Variants in TCIRG1 observed in about 807,000 individuals in gnomAD.
TCIRG1 encodes the protein V-type proton ATPase 116 kDa subunit a 3.
TCIRG1 carries 86 observed loss-of-function variants against 95.5 expected under a neutral mutation model. The observed-to-expected ratio is 0.90, with a 90% confidence interval of 0.76 to 1.08. The LOEUF (loss-of-function observed/expected upper bound fraction) is 1.08. Among genes scored for constraint, TCIRG1 ranks in the 50% least tolerant of loss-of-function variants. The pLI is 0.00. For synonymous variants in TCIRG1, 499 were observed against 501.3 expected (o/e 1.00, Z 0.06); for missense variants, 1,069 against 1,140.2 (o/e 0.94, Z 0.90).
chr11:68,046,923 C>T (rs753124663), intron 10 of TCIRG1: 1 of 456,312 alleles, frequency 2.2e-6, no homozygotes, highest in South Asian at 1.5e-5. Context: ...TCTGGTGTTA[C>T]CTGCATTTTA....
chr11:68,040,685 C>T (rs1855114775), intron 1 of TCIRG1, among the ~76,000 whole-genome samples: 1 of 152,232 alleles, frequency 6.6e-6, no homozygotes, highest in African/African-American at 2.4e-5. Flanking sequence ...CCCCGCCATT[C>T]TGTAGTTTCA....
At chr11:68,049,622 G>A (rs1386933160) in intron 15 of TCIRG1, 41 bp from the exon 16 acceptor site, 1 of 1,590,672 alleles carries the variant, frequency 6.3e-7, no homozygotes, top group East Asian at 2.2e-5. Context: ...TTGCAGGTGT[G>A]CACAGCAGGG....
intron 1 of TCIRG1, among the ~76,000 whole-genome samples, chr11:68,040,244 C>T (rs1359737336): frequency 2.0e-5 from 3 of 152,244 alleles, no homozygotes; most frequent in Admixed American, 2.0e-4. Context: ...GAGACTTGCC[C>T]AAGGTCACAC....
Position 68,042,795 on chromosome 11 carries a change from G to T in TCIRG1, c.349G>T (p.Ala117Ser), listed in dbSNP as rs763664425. 3 of 1,548,148 alleles carry T rather than the reference G, an allele frequency of 1.9e-6. No homozygotes were observed. The African/African-American group carries it at 4.1e-5, about 21-fold the overall frequency. Residue 117 changes from alanine (A) to serine (S), a missense_variant, in exon 4 of 20, where the codon GCC (alanine) becomes TCC (serine). Transcript: ENST00000265686. The part of the protein sequence containing the change: ...ELRDVRGNQQ[A>S]LRAQLHQLQL... ...GCGGGATGTGCGGGGCAACCAGCAG[G>T]CCCTGCGGGCCCAGCTGCACCAGCT...
intron 2 of TCIRG1, 87 bp from the exon 3 acceptor site, chr11:68,041,666 C>A: frequency 8.7e-7 from 1 of 1,155,176 alleles, no homozygotes; most frequent in Non-Finnish European, 1.3e-6. Context: ...GCAGCTAAGG[C>A]CTGGGGAGAG....
rs1327818531 is a variant in TCIRG1 at position 68,044,292 on chromosome 11, G to A, written c.968G>A (p.Trp323Ter). Residue 323 changes from tryptophan (W) to a stop codon, truncating the protein, a stop_gained, in exon 9 of 20, where the codon TGG becomes TAG. Coordinates refer to ENST00000265686, the MANE Select transcript of TCIRG1 (RefSeq NM_006019.4). LOFTEE classifies it high-confidence loss of function. Reference sequence around the variant, plus strand: ...CACAAGTGCCTCATTGCCGAGGCCTGGTGCTCTGTGCGAGACCTGCCCGCC... The same window carrying A: ...CACAAGTGCCTCATTGCCGAGGCCTAGTGCTCTGTGCGAGACCTGCCCGCC... ...TTHKCLIAEA[W>*]CSVRDLPALQ... 2 of 1,604,954 alleles carry A rather than the reference G, an allele frequency of 1.2e-6. No homozygotes were observed. The highest frequency in any genetic ancestry group is 1.7e-6 in the Non-Finnish European group (2 of 1,177,704).
rs576873754 is a variant in TCIRG1, at chr11:68,044,898, A to G, written c.1021-60A>G. ...CATCTCCAGCTGGGCCTGGCTGGAGATCCCAGGGTCCCTGAAGGCCCCCGC... is the reference window on the plus strand; with the variant it reads ...CATCTCCAGCTGGGCCTGGCTGGAGGTCCCAGGGTCCCTGAAGGCCCCCGC... On this transcript the variant is annotated intron_variant, in intron 9 of 19. Transcript: ENST00000265686. 59 of 1,598,292 alleles carry G rather than the reference A, an allele frequency of 3.7e-5. No homozygotes were observed. The South Asian group carries it at 6.4e-4, about 17-fold the overall frequency.
Position 68,045,072 on chromosome 11 carries a change from G to T in TCIRG1, c.1135G>T (p.Gly379Cys). 1 of 1,603,436 alleles carries T rather than the reference G, an allele frequency of 6.2e-7. No individual in the cohort carries two copies. The highest frequency in any genetic ancestry group is 8.5e-7 in the Non-Finnish European group (1 of 1,179,982). The change falls in exon 10 of 20, where the codon GGC becomes TGC. Residue 379 changes from glycine (G) to cysteine (C), a missense_variant. Transcript: ENST00000265686. The part of the protein sequence containing the change: ...ASFQGIVDAY[G>C]VGRYQEVNPA... Reference sequence around the variant, plus strand: ...CTTCCAGGGCATCGTGGATGCCTACGGCGTGGGCCGCTACCAGGAGGTCAA... The same window carrying T: ...CTTCCAGGGCATCGTGGATGCCTACTGCGTGGGCCGCTACCAGGAGGTCAA...
intron 10 of TCIRG1, among the ~76,000 whole-genome samples, 180 bp from the exon 11 acceptor site, chr11:68,047,251 TGC>T (rs1491093362): frequency 8.8e-5 from 4 of 45,406 alleles, no homozygotes; most frequent in Admixed American, 2.7e-4. Context: ...CCTCGGGTGA[TGC>T]CCCCCCCCCC....
At chr11:68,047,006 C>CTTTTTTT (rs5792432) in intron 10 of TCIRG1, 18 of 329,560 alleles carry the variant, frequency 5.5e-5, no homozygotes, top group East Asian at 1.7e-4. Flanking sequence ...GTGGTGGGTT[C>CTTTTTTT]TTTTTTTTTT....
In TCIRG1 at chr11:68,041,864, G is replaced by T. The variant is rs199546829; in HGVS notation, c.196+33G>T. The T allele has an allele frequency of 2.2e-4, 341 of 1,562,812 alleles. 1 individual carries two copies. In the African/African-American group the frequency reaches 4.2e-3, roughly 19 times the overall value. ...GGTCCCAGGCCTACATTCCAGGCAG[G>T]CTTCCTGGAGGAGGCATGGGCCAAG... On this transcript the variant is annotated intron_variant, in intron 3 of 19. Coordinates refer to ENST00000265686, the MANE Select transcript of TCIRG1 (RefSeq NM_006019.4).
Position 68,044,958 on chromosome 11 carries a change from A to G in TCIRG1, c.1021A>G (p.Met341Val), listed in dbSNP as rs199679482. Reference protein sequence around the residue: ...ALQEALRDSSMEEGVSAVAHR... With the variant: ...ALQEALRDSSVEEGVSAVAHR... ...GGTCTGTCTCTGCCCTGGCACCCAGATGGAGGAGGGAGTGAGTGCCGTGGC... is the reference window on the plus strand; with the variant it reads ...GGTCTGTCTCTGCCCTGGCACCCAGGTGGAGGAGGGAGTGAGTGCCGTGGC... The change falls in exon 10 of 20, where the codon ATG (methionine) becomes GTG (valine). Residue 341 changes from methionine to valine, a missense_variant and splice_region_variant. By Grantham distance (21) the Met-to-Val change is conservative (BLOSUM62 1). Transcript: ENST00000265686. 1.0e-5 allele frequency: 16 copies of G among 1,607,470 alleles called. No homozygotes were observed. Among genetic ancestry groups the G allele is most frequent in the Non-Finnish European group, 2.5e-6 (3 of 1,179,952 alleles).
chr11:68,042,899 G>A (rs976324674), intron 4 of TCIRG1, 36 bp downstream of exon 4: 5 of 1,550,218 alleles, frequency 3.2e-6, no homozygotes, highest in Admixed American at 2.0e-5. Flanking sequence ...TGGGGGGCTG[G>A]GGAGGGGCTG....
At position 68,047,781 on chromosome 11, in the gene TCIRG1, C is replaced by T. The variant is rs1420769570; in HGVS notation, c.1440C>T (p.Ala480=). The T allele has an allele frequency of 2.5e-6, 4 of 1,613,002 alleles. No individual in the cohort carries two copies. The South Asian group carries it at 3.3e-5, about 13-fold the overall frequency. ...TCCCCTCGGGCTGGAGTGTGGCCGC[C>T]ATGGCCAACCAGTCTGGCTGGAGGT... The part of the protein sequence containing the change: ...SIFPSGWSVA[A]MANQSGWSDA... The change falls in exon 12 of 20, where the codon GCC becomes GCT. Residue 480 remains alanine (A), a synonymous_variant. Coordinates refer to ENST00000265686, the MANE Select transcript of TCIRG1 (RefSeq NM_006019.4).
intron 2 of TCIRG1, 65 bp downstream of exon 2, chr11:68,041,453 G>A: frequency 8.3e-7 from 1 of 1,201,460 alleles, no homozygotes; most frequent in Non-Finnish European, 1.2e-6. Flanking sequence ...GCCGGTCCAG[G>A]ATGGGGACTG....
At chr11:68,048,816 G>A (rs1042453888) in intron 13 of TCIRG1, 63 bp from the exon 14 acceptor site, 13 of 1,204,484 alleles carry the variant, frequency 1.1e-5, no homozygotes, top group African/African-American at 1.5e-5. Context: ...CTCGGGCCGG[G>A]GACTTCCTGG....
Position 68,042,647 on chromosome 11 carries a change from C to T in TCIRG1, c.201C>T (p.Phe67=), listed in dbSNP as rs1855225688. 4.5e-6 allele frequency: 7 copies of T among 1,547,504 alleles called. No individual in the cohort carries two copies. Among genetic ancestry groups the T allele is most frequent in the Non-Finnish European group, 6.1e-6 (7 of 1,146,422 alleles). Residue 67 remains phenylalanine, a synonymous_variant, in exon 4 of 20, where the codon TTC becomes TTT. Coordinates refer to ENST00000265686, the MANE Select transcript of TCIRG1 (RefSeq NM_006019.4). The stretch of plus-strand genomic sequence containing the variant: ...CTCCCGTTCCTCTGCGCCCAGCCTT[C>T]CTGCAGGAGGAGGTGCGGCGGGCTG... The part of the protein sequence containing the change: ...RCEELEKTFT[F]LQEEVRRAGL...
At position 68,049,750 on chromosome 11, in the gene TCIRG1, C is replaced by T. The variant is rs771700981; in HGVS notation, c.1975C>T (p.His659Tyr). The T allele has an allele frequency of 6.3e-7, 1 of 1,578,518 alleles. No homozygotes were observed. The highest frequency in any genetic ancestry group is 1.3e-5 in the African/African-American group (1 of 74,618). The change falls in exon 16 of 20, where the codon CAC (histidine) becomes TAC (tyrosine). Residue 659 changes from histidine (H) to tyrosine (Y), a missense_variant. Physicochemically the swap from His to Tyr is moderately conservative, Grantham distance 83. Coordinates refer to ENST00000265686, the MANE Select transcript of TCIRG1 (RefSeq NM_006019.4). ...CACACCCCTGCACCTGCTGCACCGC[C>T]ACCGCCGCCGCCTGCGGAGGAGGCC... ...LGTPLHLLHR[H>Y]RRRLRRRPAD...
chr11:68,050,957 G>A, downstream of TCIRG1: 1 of 976,932 alleles, frequency 1.0e-6, no homozygotes, highest in Non-Finnish European at 1.6e-6. Flanking sequence ...AGAAGGCATG[G>A]TGTAGGATCT....
Sources: allele counts gnomAD v4.1 joint callset (sites outside exome capture counted in the v4.1 genomes callset), GRCh38; gene constraint gnomAD v4.1.1; transcripts MANE v1.5; gene names NCBI Gene and HGNC (gene_info 2026-07-23, HGNC 2026-07-21).